Variants in ERBIN observed in about 807,000 individuals in gnomAD.
The protein encoded by ERBIN is erbb2 interacting protein.
A neutral mutation model predicts 158.4 loss-of-function variants in ERBIN; 60 were observed. The ratio of observed to expected loss-of-function variants is 0.38; its 90% CI spans 0.31 to 0.47. ERBIN has a LOEUF of 0.47. Ranked by LOEUF, ERBIN falls within the 20% of genes least tolerant of loss-of-function variation. The pLI is 0.99. For missense variants in ERBIN, 1,610 were observed against 1,648.0 expected (o/e 0.98, Z 0.40); for synonymous variants, 594 against 557.2 (o/e 1.07, Z -0.93).
intron 1 of ERBIN, among the ~76,000 whole-genome samples, chr5:65,946,366 A>C (rs1561279964): frequency 6.6e-6 from 1 of 151,986 alleles, no homozygotes; most frequent in East Asian, 1.9e-4. Flanking sequence ...TCAGTCTCAT[A>C]AATGAATGAA....
At chr5:66,071,739 T>C (rs1176549292) in intron 21 of ERBIN, among the ~76,000 whole-genome samples, 2 of 151,918 alleles carry the variant, frequency 1.3e-5, no homozygotes, top group Non-Finnish European at 2.9e-5. Context: ...TTTTTTTTTT[T>C]TTACCAAAAA....
intron 10 of ERBIN, chr5:66,025,182 T>C (rs567798507): frequency 2.7e-5 from 9 of 330,940 alleles, no homozygotes; most frequent in African/African-American, 1.8e-4. Context: ...CATGACATTG[T>C]TTTTAGAAGC....
intron 22 of ERBIN, among the ~76,000 whole-genome samples, chr5:66,073,752 A>AT (rs1761731250): frequency 6.6e-6 from 1 of 152,206 alleles, no homozygotes; most frequent in Admixed American, 6.5e-5. Context: ...TTTTCCCATA[A>AT]TTTCCTTGTC....
chr5:66,000,149 T>C (rs915567684), intron 4 of ERBIN, among the ~76,000 whole-genome samples: 71 of 152,346 alleles, frequency 4.7e-4, no homozygotes, highest in African/African-American at 1.7e-3. Context: ...AATTTGGGTA[T>C]TGATTAAAAA....
intron 1 of ERBIN, among the ~76,000 whole-genome samples, chr5:65,943,982 C>A (rs976966648): frequency 5.3e-5 from 8 of 152,152 alleles, no homozygotes; most frequent in African/African-American, 1.9e-4. Context: ...GTCAGAATTT[C>A]CTTCCTAAGA....
At chr5:65,962,654 A>G (rs1299080428) in intron 1 of ERBIN, among the ~76,000 whole-genome samples, 2 of 152,120 alleles carry the variant, frequency 1.3e-5, no homozygotes, top group Non-Finnish European at 1.5e-5. Context: ...AGTAATTTTC[A>G]TCAGGGCCCA....
intron 7 of ERBIN, among the ~76,000 whole-genome samples, chr5:66,015,313 T>G (rs1341292870): frequency 6.6e-6 from 1 of 152,220 alleles, no homozygotes; most frequent in African/African-American, 2.4e-5. Context: ...GTGAATGCAT[T>G]GCTATAGTGT....
At chr5:65,942,536 C>CA (rs554000157) in intron 1 of ERBIN, among the ~76,000 whole-genome samples, 36 of 151,908 alleles carry the variant, frequency 2.4e-4, no homozygotes, top group Non-Finnish European at 4.3e-4. Flanking sequence ...GCTTAATTTA[C>CA]AAAAAAAGTT....
chr5:66,011,208 G>T (rs1282938127), intron 4 of ERBIN, among the ~76,000 whole-genome samples: 6 of 152,166 alleles, frequency 3.9e-5, no homozygotes, highest in Admixed American at 3.9e-4. Flanking sequence ...TATAAATATA[G>T]TTAGGAAAAA....
rs753802095 is a variant in ERBIN at position 66,048,706 on chromosome 5, G to A, written c.1828G>A (p.Ala610Thr). The A allele has an allele frequency of 6.2e-7, 1 of 1,608,612 alleles. No individual in the cohort carries two copies. The highest frequency in any genetic ancestry group is 1.1e-5 in the South Asian group (1 of 89,750). ...TTCTTCTGATGAAGAGATGAAAATG[G>A]CGGAGATGCGACCACCATTAATTGA... is the stretch of plus-strand genomic sequence containing the variant. ...ELSSDEEMKM[A>T]EMRPPLIETS... Residue 610 changes from alanine to threonine, a missense_variant, in exon 19 of 26, where the codon GCG becomes ACG. Transcript: ENST00000284037.
intron 14 of ERBIN, among the ~76,000 whole-genome samples, chr5:66,035,053 G>A (rs1757260598): frequency 6.6e-6 from 1 of 152,122 alleles, no homozygotes; most frequent in Admixed American, 6.5e-5. Context: ...ACCATACTCT[G>A]CTGGTTGTCC....
At chr5:65,951,018 G>A (rs1235763561) in intron 1 of ERBIN, among the ~76,000 whole-genome samples, 1 of 152,134 alleles carries the variant, frequency 6.6e-6, no homozygotes, top group Non-Finnish European at 1.5e-5. Flanking sequence ...TACATTAGAA[G>A]GTAGATTTTG....
At chr5:66,045,413 C>A (rs998096529) in intron 17 of ERBIN, among the ~76,000 whole-genome samples, 2 of 145,462 alleles carry the variant, frequency 1.4e-5, no homozygotes, top group Non-Finnish European at 3.0e-5. Context: ...TACATATAGC[C>A]TATATGTAAT....
At chr5:65,993,715 G>A (rs957193781) in intron 3 of ERBIN, among the ~76,000 whole-genome samples, 3 of 152,056 alleles carry the variant, frequency 2.0e-5, no homozygotes, top group Non-Finnish European at 2.9e-5. Flanking sequence ...TGTGTGGGCA[G>A]CATTTTGGAA....
intron 1 of ERBIN, among the ~76,000 whole-genome samples, chr5:65,942,627 T>TA (rs1561275107): frequency 6.6e-6 from 1 of 152,164 alleles, no homozygotes; most frequent in South Asian, 2.1e-4. Context: ...TCTCAAGTTT[T>TA]AAAAAATAGA....
rs1045521912 is a variant in ERBIN at position 65,992,732 on chromosome 5, G to A, written c.14G>A (p.Arg5Gln). 4 of 1,589,958 alleles carry A rather than the reference G, an allele frequency of 2.5e-6. No homozygotes were observed. Among genetic ancestry groups the A allele is most frequent in the South Asian group, 1.2e-5 (1 of 85,678 alleles). Residue 5 changes from arginine to glutamine, a missense_variant, in exon 3 of 26, where the codon CGA (arginine) becomes CAA (glutamine). Physicochemically the swap from Arg to Gln is conservative, Grantham distance 43. This residue lies in a region of ERBIN where 596 missense variants were observed against 711.9 expected (regional missense o/e 0.84). Transcript: ENST00000284037. ...CAGTGTCTAAAAATGACTACAAAACGAAGTTTGTTTGTGCGGTTGGTACCA... is the reference window on the plus strand; with the variant it reads ...CAGTGTCTAAAAATGACTACAAAACAAAGTTTGTTTGTGCGGTTGGTACCA... MTTK[R>Q]SLFVRLVPCR... is the part of the protein sequence containing the mutation.
At chr5:66,071,148 A>G (rs1475526298) in intron 21 of ERBIN, among the ~76,000 whole-genome samples, 1 of 152,092 alleles carries the variant, frequency 6.6e-6, no homozygotes, top group Admixed American at 6.5e-5. Flanking sequence ...GAGCCCAGGA[A>G]TTTGACACCA....
Position 66,013,446 on chromosome 5 carries a change from CTG to C in ERBIN, c.387-101_387-100del, listed in dbSNP as rs1339587622. 16 of 855,476 alleles carry C rather than the reference CTG, an allele frequency of 1.9e-5. No homozygotes were observed. The East Asian group carries it at 3.7e-4, about 20-fold the overall frequency. The allele number at this position is 855,476 out of a possible 1,614,324, so 53.0% of individuals were successfully genotyped here. ...AAGTAGCCACTCATAACAGAAGCGA[CTG>C]TTTTCTGTCTGTTGGGAAAATATCT... is the stretch of plus-strand genomic sequence containing the variant. On this transcript the variant is annotated intron_variant, in intron 5 of 25. Transcript: ENST00000284037.
chr5:66,018,495 TATAATA>T lies in ERBIN; in HGVS notation c.534-2826_534-2821del, dbSNP rs1561380525. 1.4e-3 allele frequency among the ~76,000 whole-genome samples: 24 copies of T among 17,742 alleles called. 4 individuals are homozygous for T. The highest frequency in any genetic ancestry group is 1.8e-3 in the Non-Finnish European group (20 of 10,880). The allele number at this position is 17,742 out of a possible 152,430, so 11.6% of individuals were successfully genotyped here. A position where few individuals can be genotyped will look rare whatever the true frequency, so the allele number is the denominator to read the frequency against. On this transcript the variant is annotated intron_variant, in intron 7 of 25. Coordinates refer to ENST00000284037, the MANE Select transcript of ERBIN (RefSeq NM_001253697.2). The stretch of plus-strand genomic sequence containing the variant: ...ATATTATATATTATATATTATATTA[TATAATA>T]TATATTATATATTATATAATATATA...
Sources: allele counts gnomAD v4.1 joint callset (sites outside exome capture counted in the v4.1 genomes callset), GRCh38; gene constraint gnomAD v4.1.1; regional missense constraint gnomAD v4.1.1; transcripts MANE v1.5; gene names NCBI Gene and HGNC (gene_info 2026-07-23, HGNC 2026-07-21).